The following TRAF3IP1 variants were observed in gnomAD, a reference collection of about 807,000 sequenced individuals.
TRAF3IP1 encodes the protein intraflagellar transport 54.
Under a neutral mutation model 89.9 loss-of-function variants are expected in TRAF3IP1, and 53 were observed. The observed-to-expected ratio is 0.59, with a 90% CI of 0.47 to 0.74. The LOEUF (loss-of-function observed/expected upper bound fraction) is 0.74. Among genes scored for constraint, TRAF3IP1 ranks in the 30% least tolerant of loss-of-function variants. TRAF3IP1 has a pLI of 0.00. For synonymous variants in TRAF3IP1, 311 were observed against 322.1 expected (o/e 0.97, Z 0.37); for missense variants, 806 against 866.1 (o/e 0.93, Z 0.87).
chr2:238,396,210 T>G (rs1271328037), intron 15 of TRAF3IP1, among the ~76,000 whole-genome samples: 1 of 152,018 alleles, frequency 6.6e-6, no homozygotes, highest in Non-Finnish European at 1.5e-5. Context: ...TTAAAAATGA[T>G]GAGTTCATGT....
chr2:238,332,839 G>A lies in TRAF3IP1; in HGVS notation c.931G>A (p.Glu311Lys), dbSNP rs139844491. The change falls in exon 6 of 17, where the codon GAG becomes AAG. Residue 311 changes from glutamate to lysine, a missense_variant. Coordinates refer to ENST00000373327, the MANE Select transcript of TRAF3IP1 (RefSeq NM_015650.4). Reference protein sequence around the residue: ...KPEKKSASSGEMSKKLSDGTF... With the variant: ...KPEKKSASSGKMSKKLSDGTF... Reference sequence around the variant, plus strand: ...TTTTTAATAGTCAGCAAGCTCAGGGGAGATGTCTAAAAAGTTATCAGATGG... The same window carrying A: ...TTTTTAATAGTCAGCAAGCTCAGGGAAGATGTCTAAAAAGTTATCAGATGG... 4 of 1,612,530 alleles carry A rather than the reference G, an allele frequency of 2.5e-6. No homozygotes were observed. Among genetic ancestry groups the A allele is most frequent in the Non-Finnish European group, 3.4e-6 (4 of 1,179,030 alleles).
chr2:238,357,306 A>AT (rs919150131), intron 15 of TRAF3IP1, among the ~76,000 whole-genome samples: 176 of 150,808 alleles, frequency 1.2e-3, no homozygotes, highest in Non-Finnish European at 1.8e-3. Flanking sequence ...AGGAAGAAGA[A>AT]TTTTTTTTTT....
At chr2:238,367,185 A>AAAAAAAAAAAAG (rs1699918384) in intron 15 of TRAF3IP1, among the ~76,000 whole-genome samples, 1 of 150,842 alleles carries the variant, frequency 6.6e-6, no homozygotes, top group African/African-American at 2.4e-5. Flanking sequence ...AAAAAAAAAA[A>AAAAAAAAAAAAG]AAAAGAAAAT....
At chr2:238,321,605 A>G (rs982530204) in intron 1 of TRAF3IP1, among the ~76,000 whole-genome samples, 9 of 152,152 alleles carry the variant, frequency 5.9e-5, no homozygotes, top group Non-Finnish European at 1.3e-4. Flanking sequence ...GGCTCTGGTG[A>G]TCTGCACTGG....
chr2:238,333,975 A>G lies in TRAF3IP1; in HGVS notation c.1003A>G (p.Arg335Gly). ...KAETETEIST[R>G]ASKSLTTKTS... The stretch of plus-strand genomic sequence containing the variant: ...TTTCTTTAAGACTGAGATTTCCACT[A>G]GAGCTTCCAAGTCATTGACAACAAA... Residue 335 changes from arginine (R) to glycine (G), a missense_variant, in exon 7 of 17, where the codon AGA becomes GGA. Arg to Gly is a moderately radical substitution (Grantham distance 125, BLOSUM62 -2). Transcript: ENST00000373327. 1.2e-6 allele frequency: 2 copies of G among 1,609,506 alleles called. No individual in the cohort carries two copies. Among genetic ancestry groups the G allele is most frequent in the Middle Eastern group, 3.3e-4 (2 of 6,058 alleles).
chr2:238,388,452 G>T (rs1029429698), intron 15 of TRAF3IP1, among the ~76,000 whole-genome samples: 17 of 151,450 alleles, frequency 1.1e-4, no homozygotes, highest in African/African-American at 4.1e-4. Flanking sequence ...ACCTACATTC[G>T]AGATGAACAT....
At chr2:238,322,711 AAAAG>A (rs1307931328) in intron 1 of TRAF3IP1, among the ~76,000 whole-genome samples, 1 of 151,372 alleles carries the variant, frequency 6.6e-6, no homozygotes, top group African/African-American at 2.4e-5. Context: ...AAAAAAAAAA[AAAAG>A]AATTGCCTTC....
intron 15 of TRAF3IP1, among the ~76,000 whole-genome samples, chr2:238,360,375 C>G (rs540216778): frequency 6.6e-6 from 1 of 152,188 alleles, no homozygotes; most frequent in African/African-American, 2.4e-5. Flanking sequence ...ACCTGTAATC[C>G]CAGCCCTCTG....
chr2:238,349,719 AG>A (rs1350142229), intron 12 of TRAF3IP1, among the ~76,000 whole-genome samples: 5 of 152,240 alleles, frequency 3.3e-5, no homozygotes, highest in Admixed American at 1.3e-4. Context: ...AGGAAAAAAT[AG>A]GGGAAAAAAA....
In TRAF3IP1 at chr2:238,391,575, CCTGA is replaced by C. The variant is rs555791891; in HGVS notation, c.1690-5881_1690-5878del. On this transcript the variant is annotated intron_variant, in intron 15 of 16. Coordinates refer to ENST00000373327, the MANE Select transcript of TRAF3IP1 (RefSeq NM_015650.4). Reference sequence around the variant, plus strand: ...CCTTTATGCTAATAATAAAACCTGTCCTGACTATCACAATCCCAGCCCAAGTGTA... The same window carrying C: ...CCTTTATGCTAATAATAAAACCTGTCCTATCACAATCCCAGCCCAAGTGTA... Among the ~76,000 whole-genome samples, 20 of 152,296 alleles carry C rather than the reference CCTGA, an allele frequency of 1.3e-4. No individual in the cohort carries two copies. In the South Asian group the frequency reaches 3.1e-3, roughly 24 times the overall value.
At chr2:238,363,438 G>T (rs1699743288) in intron 15 of TRAF3IP1, among the ~76,000 whole-genome samples, 1 of 152,138 alleles carries the variant, frequency 6.6e-6, no homozygotes, top group South Asian at 2.1e-4. Context: ...CATATGGGCA[G>T]TTGGGATTCT....
chr2:238,385,233 GT>G lies in TRAF3IP1; in HGVS notation c.1690-12225del, dbSNP rs1359061128. ...GGGTTTCACCGTGTTAGCCAGGATGGTCTCGATCTCCTGACCTCGTGATCCG... is the reference window on the plus strand; with the variant it reads ...GGGTTTCACCGTGTTAGCCAGGATGGCTCGATCTCCTGACCTCGTGATCCG... On this transcript the variant is annotated intron_variant, in intron 15 of 16. Coordinates refer to ENST00000373327, the MANE Select transcript of TRAF3IP1 (RefSeq NM_015650.4). Among the ~76,000 whole-genome samples, 5 of 152,152 alleles carry G rather than the reference GT, an allele frequency of 3.3e-5. No individual in the cohort carries two copies. In the East Asian group the frequency reaches 9.7e-4, roughly 29 times the overall value.
At chr2:238,373,032 G>A (rs1449074988) in intron 15 of TRAF3IP1, among the ~76,000 whole-genome samples, 1 of 151,984 alleles carries the variant, frequency 6.6e-6, no homozygotes, top group Non-Finnish European at 1.5e-5. Context: ...CTGGATATTA[G>A]CCCTTTGTCA....
At chr2:238,384,380 G>GTATGTATGTATGTA (rs1553619335) in intron 15 of TRAF3IP1, among the ~76,000 whole-genome samples, 288 of 143,294 alleles carry the variant, frequency 2.0e-3, no homozygotes, top group Middle Eastern at 3.6e-3. Flanking sequence ...ATGTATGTAT[G>GTATGTATGTATGTA]TATATATATA....
chr2:238,382,320 G>T (rs1329436414), intron 15 of TRAF3IP1, among the ~76,000 whole-genome samples: 2 of 152,120 alleles, frequency 1.3e-5, no homozygotes, highest in African/African-American at 4.8e-5. Flanking sequence ...CATCCTGGTG[G>T]AATCGTTGAC....
chr2:238,353,235 G>A, intron 14 of TRAF3IP1, 26 bp downstream of exon 14: 1 of 1,613,542 alleles, frequency 6.2e-7, no homozygotes, highest in Non-Finnish European at 8.5e-7. Context: ...GAGTGTGCAT[G>A]TATGTCCATG....
chr2:238,366,614 A>C (rs892959069), intron 15 of TRAF3IP1, among the ~76,000 whole-genome samples: 2 of 152,198 alleles, frequency 1.3e-5, no homozygotes, highest in Non-Finnish European at 2.9e-5. Flanking sequence ...TGAAAATGTC[A>C]CTGAAATTCA....
intron 7 of TRAF3IP1, among the ~76,000 whole-genome samples, chr2:238,336,306 A>G (rs1215426436): frequency 6.6e-6 from 1 of 152,136 alleles, no homozygotes; most frequent in Admixed American, 6.5e-5. Flanking sequence ...CTGAGCTATC[A>G]ACAGCTCAGT....
intron 16 of TRAF3IP1, 98 bp from the exon 17 acceptor site, chr2:238,398,656 C>A: frequency 3.9e-6 from 5 of 1,281,832 alleles, no homozygotes; most frequent in South Asian, 2.1e-5. Context: ...TTGGATGAAA[C>A]GAATAATTTA....
Sources: gnomAD v4.1 joint callset for allele counts (sites outside exome capture counted in the v4.1 genomes callset) on GRCh38, gnomAD v4.1.1 for gene constraint, MANE v1.5 for transcripts, NCBI Gene and HGNC (gene_info 2026-07-23, HGNC 2026-07-21) for gene names.